POLR1A: variants seen among roughly 807,000 people sequenced by gnomAD.
POLR1A encodes the protein DNA-directed RNA polymerase I subunit RPA1.
In POLR1A, 84 loss-of-function variants were observed where a neutral mutation model predicts 205.3. That is an observed-to-expected ratio of 0.41 (90% CI 0.34 to 0.49). The LOEUF (loss-of-function observed/expected upper bound fraction) is 0.49. Among genes scored for constraint, POLR1A ranks in the 20% least tolerant of loss-of-function variants. POLR1A has a pLI of 0.22. For missense variants in POLR1A, 1,645 were observed against 2,204.5 expected (o/e 0.75, Z 5.08); for synonymous variants, 799 against 863.7 (o/e 0.93, Z 1.31).
rs1443408196 is a variant in POLR1A at position 86,070,142 on chromosome 2, T to C, written c.1742A>G (p.Asn581Ser). ...EEKVLRLHYANCKAYNADFDG... is the reference protein window; with the variant it reads ...EEKVLRLHYASCKAYNADFDG... ...AAAGTCGGCATTATAGGCCTTGCAG[T>C]TGGCATAGTGGAGCCGCAGCACTTT... Residue 581 changes from asparagine (N) to serine (S), a missense_variant, in exon 13 of 34, where the codon AAC becomes AGC. Transcript: ENST00000263857. The surrounding 1 kb of genome is among the most constrained non-coding windows in gnomAD (Gnocchi z 4.4). The C allele has an allele frequency of 4.3e-6, 7 of 1,614,246 alleles. No homozygotes were observed. In the South Asian group the frequency reaches 6.6e-5, roughly 15 times the overall value.
chr2:86,102,291 C>T (rs974505415), intron 1 of POLR1A, among the ~76,000 whole-genome samples: 12 of 152,324 alleles, frequency 7.9e-5, no homozygotes, highest in Non-Finnish European at 1.3e-4. Context: ...CACACCCTTG[C>T]CAACACTTAC....
chr2:86,060,315 C>G (rs559864827), intron 14 of POLR1A, among the ~76,000 whole-genome samples: 180 of 152,112 alleles, frequency 1.2e-3, no homozygotes, highest in African/African-American at 4.2e-3. Flanking sequence ...TACAAGCTGA[C>G]TTTAAAATTT....
intron 25 of POLR1A, 22 bp from the exon 26 acceptor site, chr2:86,039,484 T>G: frequency 6.2e-7 from 1 of 1,613,978 alleles, no homozygotes; most frequent in Non-Finnish European, 8.5e-7. Context: ...TAAGGGCACA[T>G]CCAATCATGA....
intron 3 of POLR1A, among the ~76,000 whole-genome samples, chr2:86,090,759 C>T (rs1433698280): frequency 2.0e-5 from 3 of 152,204 alleles, no homozygotes; most frequent in Admixed American, 2.0e-4. Flanking sequence ...TATTCACAAA[C>T]TCTCAAATGA....
In POLR1A at chr2:86,098,654, C is replaced by T. The variant is rs1447848946; in HGVS notation, c.389G>A (p.Gly130Glu). The T allele has an allele frequency of 6.2e-7, 1 of 1,613,752 alleles. No homozygotes were observed. The highest frequency in any genetic ancestry group is 8.5e-7 in the Non-Finnish European group (1 of 1,179,912). Reference protein sequence around the residue: ...LLCQLRVLEVGALQAVYELER... With the variant: ...LLCQLRVLEVEALQAVYELER... ...AAGCTCGTAGACTGCTTGTAGGGCC[C>T]CGACTTCCAGAACCCTCAGCTGGCA... Residue 130 changes from glycine to glutamate, a missense_variant, in exon 3 of 34, where the codon GGG becomes GAG. By Grantham distance (98) the Gly-to-Glu change is moderately conservative. This residue lies in a region of POLR1A where 330 missense variants were observed against 375.6 expected (regional missense o/e 0.88). Coordinates refer to ENST00000263857, the MANE Select transcript of POLR1A (RefSeq NM_015425.6).
intron 3 of POLR1A, among the ~76,000 whole-genome samples, chr2:86,091,034 T>G (rs1461411934): frequency 6.6e-6 from 1 of 152,224 alleles, no homozygotes; most frequent in Non-Finnish European, 1.5e-5. Context: ...GAAGCCATCA[T>G]TCTTCACCCC....
At chr2:86,102,869 G>T (rs1673848024) in intron 1 of POLR1A, among the ~76,000 whole-genome samples, 2 of 152,190 alleles carry the variant, frequency 1.3e-5, no homozygotes, top group Non-Finnish European at 2.9e-5. Flanking sequence ...CTCTGGGCCT[G>T]AATTTTTTAC....
intron 21 of POLR1A, among the ~76,000 whole-genome samples, chr2:86,044,948 T>A (rs1239812225): frequency 6.6e-6 from 1 of 152,126 alleles, no homozygotes; most frequent in African/African-American, 2.4e-5. Context: ...CAGAGCTCAA[T>A]GTTAGTCACT....
intron 13 of POLR1A, among the ~76,000 whole-genome samples, chr2:86,066,574 T>C (rs531910693): frequency 1.3e-5 from 2 of 152,346 alleles, no homozygotes; most frequent in South Asian, 4.1e-4. Context: ...GCCTTGGATA[T>C]AAAGATTATT....
intron 13 of POLR1A, among the ~76,000 whole-genome samples, chr2:86,068,079 G>A (rs967338372): frequency 6.6e-6 from 1 of 152,174 alleles, no homozygotes; most frequent in African/African-American, 2.4e-5. Context: ...AGGACACAAT[G>A]TAAGCATGAA....
intron 18 of POLR1A, among the ~76,000 whole-genome samples, chr2:86,047,524 A>C (rs1672731055): frequency 6.6e-6 from 1 of 152,208 alleles, no homozygotes; most frequent in Non-Finnish European, 1.5e-5. Flanking sequence ...CATTGGCCAA[A>C]GAGCAGCAAA....
At chr2:86,069,650 C>T (rs1185420188) in intron 13 of POLR1A, among the ~76,000 whole-genome samples, 1 of 152,336 alleles carries the variant, frequency 6.6e-6, no homozygotes, top group East Asian at 1.9e-4. Flanking sequence ...GGATCAAAGT[C>T]ATCAGTGGAC....
At chr2:86,064,188 G>A (rs1190284631) in intron 14 of POLR1A, among the ~76,000 whole-genome samples, 1 of 152,042 alleles carries the variant, frequency 6.6e-6, no homozygotes, top group African/African-American at 2.4e-5. Context: ...CAGGTGAAAA[G>A]GGCAAGAGTG....
At chr2:86,038,425 C>T (rs1317317612) in intron 27 of POLR1A, among the ~76,000 whole-genome samples, 1 of 152,228 alleles carries the variant, frequency 6.6e-6, no homozygotes. Context: ...TTAATGCCTG[C>T]AAGCCCCAGA....
intron 14 of POLR1A, among the ~76,000 whole-genome samples, chr2:86,064,458 T>C (rs1319246730): frequency 1.3e-5 from 2 of 152,134 alleles, no homozygotes; most frequent in Non-Finnish European, 2.9e-5. Flanking sequence ...TTTGGTTACT[T>C]TGAGAGGAAG....
intron 15 of POLR1A, among the ~76,000 whole-genome samples, chr2:86,053,293 T>A (rs568286720): frequency 8.4e-4 from 128 of 151,762 alleles, no homozygotes; most frequent in African/African-American, 3.0e-3. Context: ...TCTCTCCATG[T>A]GTTTTATATC....
At chr2:86,089,020 T>C (rs964963533) in intron 4 of POLR1A, 150 bp from the exon 5 acceptor site, 4 of 600,938 alleles carry the variant, frequency 6.7e-6, no homozygotes, top group African/African-American at 1.9e-5. Context: ...AGAACCCTAA[T>C]ACACTTGAGC....
intron 23 of POLR1A, 28 bp from the exon 24 acceptor site, chr2:86,042,131 G>A: frequency 6.6e-7 from 1 of 1,505,540 alleles, no homozygotes; most frequent in South Asian, 1.1e-5. Context: ...TCTCAGCTAT[G>A]TGGGAGGGAT....
At chr2:86,083,249 C>T in intron 6 of POLR1A, 81 bp from the exon 7 acceptor site, 1 of 997,626 alleles carries the variant, frequency 1.0e-6, no homozygotes. Flanking sequence ...AATTCTTTAT[C>T]CCCAAGCCTG....
Sources: gnomAD v4.1 joint callset for allele counts (sites outside exome capture counted in the v4.1 genomes callset) on GRCh38, gnomAD v4.1.1 for gene constraint, gnomAD v4.1.1 regional missense constraint, Gnocchi (gnomAD v3.1) non-coding constraint, MANE v1.5 for transcripts, NCBI Gene and HGNC (gene_info 2026-07-23, HGNC 2026-07-21) for gene names.